The following ATP6V1B1 variants were observed in gnomAD, a reference collection of about 807,000 sequenced individuals.
ATP6V1B1 encodes the protein ATPase H+ transporting V1 subunit B1.
In ATP6V1B1, 41 loss-of-function variants were observed where a neutral mutation model predicts 62.1. The ratio of observed to expected loss-of-function variants is 0.66; its 90% CI spans 0.51 to 0.86. ATP6V1B1 has a LOEUF of 0.86. Among genes scored for constraint, ATP6V1B1 ranks in the 40% least tolerant of loss-of-function variants. ATP6V1B1 has a pLI of 0.00. For missense variants in ATP6V1B1, 651 were observed against 697.5 expected (o/e 0.93, Z 0.75); for synonymous variants, 253 against 273.4 (o/e 0.93, Z 0.74).
intron 1 of ATP6V1B1, chr2:70,939,286 A>T (rs991531559): frequency 7.2e-5 from 11 of 152,402 alleles, no homozygotes; most frequent in African/African-American, 2.7e-4. Context: ...CAGCTAAGAC[A>T]ATGGAGAGGG....
At chr2:70,949,852 T>C (rs1680278859) in intron 2 of ATP6V1B1, among the ~76,000 whole-genome samples, 1 of 152,222 alleles carries the variant, frequency 6.6e-6, no homozygotes, top group Non-Finnish European at 1.5e-5. Context: ...AAGTTTGAAA[T>C]ACTCATATGA....
chr2:70,943,316 G>A (rs1680051753), intron 1 of ATP6V1B1: 8 of 503,948 alleles, frequency 1.6e-5, no homozygotes, highest in Non-Finnish European at 3.6e-6. Context: ...AATGCTTGGA[G>A]TGAGAGAGGA....
intron 2 of ATP6V1B1, among the ~76,000 whole-genome samples, chr2:70,945,701 G>GACAT (rs1553417203): frequency 4.8e-5 from 4 of 83,022 alleles, no homozygotes; most frequent in Admixed American, 3.2e-4. Flanking sequence ...TATTTGAAGA[G>GACAT]ATATATATAT....
intron 1 of ATP6V1B1, 68 bp from the exon 2 acceptor site, chr2:70,943,590 G>C: frequency 1.3e-6 from 2 of 1,518,296 alleles, no homozygotes; most frequent in Non-Finnish European, 1.8e-6. Context: ...GGAAGGCAGA[G>C]GATGCCTCTG....
At chr2:70,941,517 T>C in intron 1 of ATP6V1B1, 3 of 943,242 alleles carry the variant, frequency 3.2e-6, no homozygotes, top group Non-Finnish European at 3.8e-6. Flanking sequence ...GCGCACCCAG[T>C]CTGGTCTTCC....
At chr2:70,961,257 G>A (rs1197496410) in intron 7 of ATP6V1B1, among the ~76,000 whole-genome samples, 1 of 152,176 alleles carries the variant, frequency 6.6e-6, no homozygotes, top group African/African-American at 2.4e-5. Flanking sequence ...GGGGATTGGG[G>A]GAAAAAAGAT....
intron 2 of ATP6V1B1, among the ~76,000 whole-genome samples, chr2:70,957,527 T>C (rs1467698481): frequency 6.6e-6 from 1 of 152,174 alleles, no homozygotes; most frequent in Non-Finnish European, 1.5e-5. Flanking sequence ...GGAAGCACTT[T>C]GCGAGTGTGT....
chr2:70,945,701 G>T (rs1024762), intron 2 of ATP6V1B1, among the ~76,000 whole-genome samples: 30,107 of 82,116 alleles, frequency 0.37, 6,296 homozygotes, highest in East Asian at 0.59. Context: ...TATTTGAAGA[G>T]ATATATATAT....
intron 2 of ATP6V1B1, among the ~76,000 whole-genome samples, chr2:70,949,348 G>C (rs546244958): frequency 1.3e-5 from 2 of 152,216 alleles, no homozygotes; most frequent in East Asian, 1.9e-4. Flanking sequence ...ACAGACATTC[G>C]TATGTTCTCA....
intron 2 of ATP6V1B1, among the ~76,000 whole-genome samples, chr2:70,945,701 G>GAGAGATATATATATATATAT (rs1553417203): frequency 1.2e-5 from 1 of 83,016 alleles, no homozygotes; most frequent in African/African-American, 4.8e-5. Flanking sequence ...TATTTGAAGA[G>GAGAGATATATATATATATAT]ATATATATAT....
At position 70,963,539 on chromosome 2, in the gene ATP6V1B1, C is replaced by G. The variant is rs1553420505; in HGVS notation, c.1061-33C>G. 6.2e-7 allele frequency: 1 copy of G among 1,606,112 alleles called. No individual in the cohort carries two copies. The highest frequency in any genetic ancestry group is 1.7e-5 in the Admixed American group (1 of 59,998). The stretch of plus-strand genomic sequence containing the variant: ...CTGAGTGGTTGGAGACCTGGGCCCC[C>G]ACCCACACTGAGGCCAGTGAGTTTT... On this transcript the variant is annotated intron_variant, in intron 10 of 13. Transcript: ENST00000234396. This position sits in a 1 kb window ranked among gnomAD's most constrained non-coding sequence, Gnocchi z 4.3.
chr2:70,961,469 G>T, intron 7 of ATP6V1B1, 127 bp from the exon 8 acceptor site: 4 of 971,048 alleles, frequency 4.1e-6, no homozygotes, highest in Non-Finnish European at 6.5e-6. Flanking sequence ...CCATGGCCTT[G>T]GTGTCTTCAC....
In ATP6V1B1 at chr2:70,963,583, C is replaced by A; in HGVS notation, c.1072C>A (p.Pro358Thr). The change falls in exon 11 of 14, where the codon CCT (proline) becomes ACT (threonine). Residue 358 changes from proline to threonine, a missense_variant. Pro to Thr is a conservative substitution (Grantham distance 38, BLOSUM62 -1). Transcript: ENST00000234396. The surrounding 1 kb of genome is among the most constrained non-coding windows in gnomAD (Gnocchi z 4.3). ...LTMPNDDITHPIPDLTGFITE... is the reference protein window; with the variant it reads ...LTMPNDDITHTIPDLTGFITE... ...GAGTTTTCTTGTAGATATCACCCAC[C>A]CTATCCCAGACTTGACGGGCTTCAT... 6.2e-7 allele frequency: 1 copy of A among 1,614,154 alleles called. No homozygotes were observed.
intron 2 of ATP6V1B1, among the ~76,000 whole-genome samples, chr2:70,956,495 T>C (rs1680435100): frequency 6.6e-6 from 1 of 152,256 alleles, no homozygotes; most frequent in Admixed American, 6.5e-5. Flanking sequence ...CTTTTGGCTA[T>C]TATGAATATT....
intron 11 of ATP6V1B1, chr2:70,964,112 GTATTT>G (rs1482695823): frequency 3.0e-4 from 47 of 158,338 alleles, no homozygotes; most frequent in South Asian, 1.1e-3. Flanking sequence ...TGCTTGGCAG[GTATTT>G]TTTTTTTTTT....
chr2:70,963,434 A>T lies in ATP6V1B1; in HGVS notation c.1060+122A>T. 1 of 1,542,948 alleles carries T rather than the reference A, an allele frequency of 6.5e-7. No homozygotes were observed. The highest frequency in any genetic ancestry group is 8.9e-7 in the Non-Finnish European group (1 of 1,120,172). On this transcript the variant is annotated intron_variant, in intron 10 of 13. Transcript: ENST00000234396. The surrounding 1 kb of genome is among the most constrained non-coding windows in gnomAD (Gnocchi z 4.3). ...AGCAGCGCTTTTCCTCCATCGAGAT[A>T]GACACTGCCCTTTCCTCCACCATCC...
chr2:70,949,711 G>A (rs1219658864), intron 2 of ATP6V1B1, among the ~76,000 whole-genome samples: 1 of 152,106 alleles, frequency 6.6e-6, no homozygotes, highest in Non-Finnish European at 1.5e-5. Flanking sequence ...TTTTGATTTT[G>A]CTTCCTTCTC....
Position 70,959,066 on chromosome 2 carries a change from T to C in ATP6V1B1, c.416T>C (p.Val139Ala). 1.2e-6 allele frequency: 2 copies of C among 1,614,090 alleles called. No homozygotes were observed. Among genetic ancestry groups the C allele is most frequent in the Non-Finnish European group, 1.7e-6 (2 of 1,180,008 alleles). The change falls in exon 5 of 14, where the codon GTC becomes GCC. Residue 139 changes from valine to alanine, a missense_variant. Transcript: ENST00000234396. The surrounding 1 kb of genome is among the most constrained non-coding windows in gnomAD (Gnocchi z 4.2). Reference protein sequence around the residue: ...SGKPIDKGPVVMAEDFLDING... With the variant: ...SGKPIDKGPVAMAEDFLDING... ...AAGCCCATTGACAAGGGGCCAGTGGTCATGGCGGAGGACTTTCTGGATATC... is the reference window on the plus strand; with the variant it reads ...AAGCCCATTGACAAGGGGCCAGTGGCCATGGCGGAGGACTTTCTGGATATC...
chr2:70,943,464 C>T, intron 1 of ATP6V1B1, 194 bp from the exon 2 acceptor site: 1 of 711,200 alleles, frequency 1.4e-6, no homozygotes, highest in Admixed American at 2.0e-5. Context: ...GGTGTCCGAG[C>T]AGCAGGGGCC....
Sources: allele counts gnomAD v4.1 joint callset (sites outside exome capture counted in the v4.1 genomes callset), GRCh38; gene constraint gnomAD v4.1.1; non-coding constraint Gnocchi (gnomAD v3.1); transcripts MANE v1.5; gene names NCBI Gene and HGNC (gene_info 2026-07-23, HGNC 2026-07-21).